ALS2: variants seen among roughly 807,000 people sequenced by gnomAD.
The protein encoded by ALS2 is alsin Rho guanine nucleotide exchange factor ALS2.
A neutral mutation model predicts 203.4 loss-of-function variants in ALS2; 117 were observed. The ratio of observed to expected loss-of-function variants is 0.58; its 90% confidence interval spans 0.50 to 0.67. The LOEUF (loss-of-function observed/expected upper bound fraction) is 0.67, where lower values mean the gene tolerates loss of function less well. Ranked by LOEUF, ALS2 falls within the 30% of genes least tolerant of loss-of-function variation. The pLI is 0.00. For missense variants in ALS2, 1,715 were observed against 1,989.4 expected, an observed-to-expected ratio of 0.86 and a Z score of 2.62; for synonymous variants, 718 against 725.9, an observed-to-expected ratio of 0.99 and a Z score of 0.17.
At chr2:201,741,016 A>G (rs911739497) in intron 11 of ALS2, among the ~76,000 whole-genome samples, 2 of 152,170 alleles carry the variant, frequency 1.3e-5, no homozygotes, top group Admixed American at 1.3e-4. Context: ...CAAAACCTAT[A>G]CATACTTCAG....
intron 12 of ALS2, among the ~76,000 whole-genome samples, chr2:201,734,662 A>C (rs186826466): frequency 6.6e-6 from 1 of 152,270 alleles, no homozygotes; most frequent in Non-Finnish European, 1.5e-5. Flanking sequence ...CCCTTGGACC[A>C]TATTTCTCCT....
chr2:201,711,068 T>G lies in ALS2; in HGVS notation c.4045A>C (p.Ser1349Arg). The change falls in exon 26 of 34, where the codon AGT becomes CGT. Residue 1349 changes from serine to arginine, a missense_variant. Physicochemically the swap from Ser to Arg is moderately radical, Grantham distance 110. Coordinates refer to ENST00000264276, the MANE Select transcript of ALS2 (RefSeq NM_020919.4). ...ACATGCTGTGGAATGAATTCCAAAC[T>G]CTCTAGTGTCTGAGTCTGTGAACGA... The part of the protein sequence containing the change: ...LSRSQTQTLE[S>R]LEFIPQHVGA... The G allele has an allele frequency of 6.2e-7, 1 of 1,612,322 alleles. No homozygotes were observed. Among genetic ancestry groups the G allele is most frequent in the Non-Finnish European group, 8.5e-7 (1 of 1,178,598 alleles).
chr2:201,775,379 T>G (rs1694610746), intron 1 of ALS2, among the ~76,000 whole-genome samples: 1 of 152,210 alleles, frequency 6.6e-6, no homozygotes, highest in Non-Finnish European at 1.5e-5. Flanking sequence ...TGGTTACATA[T>G]TATTACAATG....
In ALS2 at chr2:201,725,350, T is replaced by C. The variant is rs1691096988; in HGVS notation, c.3347+6A>G. On this transcript the variant is annotated splice_donor_region_variant and intron_variant, in intron 20 of 33. Coordinates refer to ENST00000264276, the MANE Select transcript of ALS2 (RefSeq NM_020919.4). ...AACACCAGTCCAACAGCCTTTCCAA[T>C]GTTACCTGTAGACTCCTTGACCGCA... 1 of 1,610,822 alleles carries C rather than the reference T, an allele frequency of 6.2e-7. No homozygotes were observed.
chr2:201,780,686 G>C (rs955016766), intron 1 of ALS2, among the ~76,000 whole-genome samples, 191 bp downstream of exon 1: 2 of 152,226 alleles, frequency 1.3e-5, no homozygotes, highest in African/African-American at 4.8e-5. Flanking sequence ...CTGCTGGACC[G>C]GCAGGAGCAG....
Position 201,726,947 on chromosome 2 carries a change from T to G in ALS2, c.2980-81A>C, listed in dbSNP as rs1216443110. ...TTTAAATCCTGCTAGTTTTCTTTGG[T>G]GTGAATAAATTATTTGTGTCCTAAT... On this transcript the variant is annotated intron_variant, in intron 17 of 33. Transcript: ENST00000264276. The G allele has an allele frequency of 1.2e-5, 15 of 1,274,588 alleles. 1 individual carries two copies. Among genetic ancestry groups the G allele is most frequent in the Non-Finnish European group, 1.6e-5 (14 of 897,892 alleles). The allele number at this position is 1,274,588 out of a possible 1,614,324, so 79.0% of individuals were successfully genotyped here. A position where few individuals can be genotyped will look rare whatever the true frequency, so the allele number is the denominator to read the frequency against.
Position 201,726,492 on chromosome 2 carries a change from C to T in ALS2, c.3240G>A (p.Leu1080=). ...KMYSGMFRNG[L]EDGYGEYRIP... is the part of the protein sequence containing the mutation. ...TTACACAATTTTCTTACCCATCTTC[C>T]AAGCCATTCCTGAACATGCCAGAAT... Residue 1080 remains leucine (L), a synonymous_variant, in exon 19 of 34, where the codon TTG becomes TTA. Transcript: ENST00000264276. 1.2e-6 allele frequency: 2 copies of T among 1,613,978 alleles called. No individual in the cohort carries two copies. The highest frequency in any genetic ancestry group is 1.7e-6 in the Non-Finnish European group (2 of 1,179,850).
chr2:201,760,586 A>C, intron 4 of ALS2: 1 of 1,194,454 alleles, frequency 8.4e-7, no homozygotes, highest in Non-Finnish European at 1.0e-6. Context: ...AAAATTCAGT[A>C]CTTTAGCCAT....
At position 201,728,592 on chromosome 2, in the gene ALS2, G is replaced by A. The variant is rs587777132; in HGVS notation, c.2761C>T (p.Arg921Ter). The A allele has an allele frequency of 1.2e-6, 2 of 1,614,014 alleles. No homozygotes were observed. Among genetic ancestry groups the A allele is most frequent in the South Asian group, 1.1e-5 (1 of 91,078 alleles). ...ERRLLCESSN[R>*]ALSLQHAGRF... Reference sequence around the variant, plus strand: ...CCAGCATGCTGCAGAGACAGGGCTCGGTTACTACTCTCACACAGCAGTCGA... The same window carrying A: ...CCAGCATGCTGCAGAGACAGGGCTCAGTTACTACTCTCACACAGCAGTCGA... The change falls in exon 15 of 34, where the codon CGA becomes TGA. Residue 921 changes from arginine (R) to a stop codon, truncating the protein, a stop_gained. Transcript: ENST00000264276. LOFTEE classifies it high-confidence loss of function.
At chr2:201,735,741 T>C (rs1270254942) in intron 12 of ALS2, among the ~76,000 whole-genome samples, 1 of 152,156 alleles carries the variant, frequency 6.6e-6, no homozygotes, top group African/African-American at 2.4e-5. Context: ...TTCAGTACTG[T>C]GAATCTAACT....
At chr2:201,742,509 G>A (rs879601688) in intron 10 of ALS2, among the ~76,000 whole-genome samples, 3 of 152,192 alleles carry the variant, frequency 2.0e-5, no homozygotes, top group African/African-American at 7.2e-5. Flanking sequence ...AAAGAAATCA[G>A]CAACCAGGAC....
At chr2:201,707,568 C>T (rs368513104) in intron 28 of ALS2, among the ~76,000 whole-genome samples, 8 of 151,838 alleles carry the variant, frequency 5.3e-5, no homozygotes, top group African/African-American at 1.9e-4. Context: ...TAGCTGAACC[C>T]GTAGGTGTGT....
chr2:201,729,230 C>G, intron 13 of ALS2, 47 bp from the exon 14 acceptor site: 1 of 1,587,800 alleles, frequency 6.3e-7, no homozygotes. Flanking sequence ...GAACATAAAA[C>G]CATTATGCAG....
intron 13 of ALS2, among the ~76,000 whole-genome samples, chr2:201,729,913 T>G (rs1258570083): frequency 6.6e-6 from 1 of 151,850 alleles, no homozygotes; most frequent in African/African-American, 2.4e-5. Context: ...ACAACTTTTT[T>G]TGTGAGAAAA....
Position 201,740,595 on chromosome 2 carries a change from T to C in ALS2, c.2351+1079A>G, listed in dbSNP as rs550015327. ...TATCAAGTTCTATTATTTTTATTTT[T>C]CATTTCTGAAAGATGATGAGTTAAA... On this transcript the variant is annotated intron_variant, in intron 11 of 33. Transcript: ENST00000264276. Among the ~76,000 whole-genome samples, 6 of 152,334 alleles carry C rather than the reference T, an allele frequency of 3.9e-5. No individual in the cohort carries two copies. The South Asian group carries it at 6.2e-4, about 16-fold the overall frequency.
chr2:201,726,102 A>G (rs1368641744), intron 19 of ALS2, among the ~76,000 whole-genome samples: 2 of 152,232 alleles, frequency 1.3e-5, no homozygotes, highest in African/African-American at 4.8e-5. Flanking sequence ...GAAATTAAAG[A>G]TGACTTAAAA....
At chr2:201,740,359 T>C (rs568185182) in intron 11 of ALS2, among the ~76,000 whole-genome samples, 31 of 152,146 alleles carry the variant, frequency 2.0e-4, no homozygotes, top group African/African-American at 7.5e-4. Flanking sequence ...ACCCAAATAT[T>C]TTACTTGCCC....
chr2:201,754,513 C>T lies in ALS2; in HGVS notation c.1630G>A (p.Val544Ile). 3 of 1,614,122 alleles carry T rather than the reference C, an allele frequency of 1.9e-6. No homozygotes were observed. The highest frequency in any genetic ancestry group is 2.5e-6 in the Non-Finnish European group (3 of 1,179,992). ...GKEGQLGHGDVLPRLQPLCVK... is the reference protein window; with the variant it reads ...GKEGQLGHGDILPRLQPLCVK... ...GTTGGTAGCGCTTACCTAGGCAGAA[C>T]ATCGCCGTGCCCCAGCTGCCCTTCC... The change falls in exon 6 of 34, where the codon GTT (valine) becomes ATT (isoleucine). Residue 544 changes from valine to isoleucine, a missense_variant. Transcript: ENST00000264276.
intron 2 of ALS2, 114 bp from the exon 3 acceptor site, chr2:201,767,497 T>C (rs887798966): frequency 6.3e-6 from 7 of 1,117,452 alleles, no homozygotes; most frequent in East Asian, 5.2e-5. Flanking sequence ...CTAGGTCAGA[T>C]AGCTGAATTA....
Sources: gnomAD v4.1 joint callset for allele counts (sites outside exome capture counted in the v4.1 genomes callset) on GRCh38, gnomAD v4.1.1 for gene constraint, MANE v1.5 for transcripts, NCBI Gene and HGNC (gene_info 2026-07-23, HGNC 2026-07-21) for gene names.